Variants in SP4 observed in about 807,000 individuals in gnomAD.
SP4 encodes Sp4 transcription factor, also known as transcription factor Sp4.
Under a neutral mutation model 72.8 loss-of-function variants are expected in SP4, and 19 were observed. The observed-to-expected ratio is 0.26, with a 90% confidence interval of 0.18 to 0.38. The LOEUF is 0.38. SP4 is among the 10% of genes least tolerant of loss of function. The pLI, the probability that SP4 is intolerant of heterozygous loss-of-function variation, is 1.00. For missense variants in SP4, 1,008 were observed against 926.3 expected (o/e 1.09, Z -1.14); for synonymous variants, 395 against 333.1 (o/e 1.19, Z -2.02).
chr7:21,467,920 G>C (rs1319396015), intron 3 of SP4, among the ~76,000 whole-genome samples: 2 of 152,076 alleles, frequency 1.3e-5, no homozygotes, highest in African/African-American at 4.8e-5. Context: ...CATGTACTTT[G>C]AACCTGCTGT....
At chr7:21,432,777 T>G (rs138198852) in intron 3 of SP4, among the ~76,000 whole-genome samples, 1,836 of 152,262 alleles carry the variant, frequency 0.012, 36 homozygotes, top group African/African-American at 0.042. Flanking sequence ...GAGGATTGCT[T>G]GAGCCCACTA....
chr7:21,452,374 G>C (rs956082655), intron 3 of SP4, among the ~76,000 whole-genome samples: 1 of 152,170 alleles, frequency 6.6e-6, no homozygotes, highest in Non-Finnish European at 1.5e-5. Context: ...CTTAAGCCCA[G>C]CTATCAGTTG....
At chr7:21,487,888 G>T (rs997049691) in intron 5 of SP4, among the ~76,000 whole-genome samples, 7 of 151,844 alleles carry the variant, frequency 4.6e-5, no homozygotes, top group African/African-American at 1.5e-4. Flanking sequence ...TTGAGACAGG[G>T]TCTCTGTCTG....
At chr7:21,498,911 C>T (rs1196506980) in intron 5 of SP4, among the ~76,000 whole-genome samples, 1 of 151,660 alleles carries the variant, frequency 6.6e-6, no homozygotes, top group Non-Finnish European at 1.5e-5. Context: ...CGGTGAAACC[C>T]TGTCTAAAAA....
chr7:21,451,205 C>CT (rs1166376240), intron 3 of SP4, among the ~76,000 whole-genome samples: 1 of 152,162 alleles, frequency 6.6e-6, no homozygotes, highest in East Asian at 1.9e-4. Context: ...CCGTTTGCCT[C>CT]TTAGTGTGTA....
At chr7:21,492,352 A>G (rs1203503920) in intron 5 of SP4, among the ~76,000 whole-genome samples, 2 of 152,262 alleles carry the variant, frequency 1.3e-5, no homozygotes, top group Admixed American at 1.3e-4. Context: ...AATACTAAAC[A>G]ACATTCAAAT....
At chr7:21,463,533 G>A (rs750820733) in intron 3 of SP4, among the ~76,000 whole-genome samples, 2 of 152,200 alleles carry the variant, frequency 1.3e-5, no homozygotes, top group African/African-American at 2.4e-5. Flanking sequence ...GATGCTAAGC[G>A]AAGCCAGAGG....
intron 5 of SP4, among the ~76,000 whole-genome samples, chr7:21,507,507 T>C (rs1300990889): frequency 6.6e-6 from 1 of 152,180 alleles, no homozygotes; most frequent in Non-Finnish European, 1.5e-5. Flanking sequence ...GGCTTTTCCC[T>C]GGGTGAGGGA....
At chr7:21,441,037 A>T (rs1476040363) in intron 3 of SP4, among the ~76,000 whole-genome samples, 1 of 152,224 alleles carries the variant, frequency 6.6e-6, no homozygotes, top group African/African-American at 2.4e-5. Context: ...AAACCATTAT[A>T]TGGCAGCTGC....
intron 3 of SP4, 132 bp downstream of exon 3, chr7:21,430,975 A>G (rs1233536929): frequency 9.4e-6 from 6 of 637,282 alleles, no homozygotes; most frequent in Non-Finnish European, 1.4e-5. Context: ...AGAAATAGCA[A>G]TATTATACTA....
chr7:21,446,994 C>T (rs1338628764), intron 3 of SP4, among the ~76,000 whole-genome samples: 3 of 152,246 alleles, frequency 2.0e-5, no homozygotes, highest in East Asian at 3.9e-4. Flanking sequence ...CATTCACTAG[C>T]GCCCTTGTGA....
rs1290599301 is a variant in SP4, at chr7:21,430,348, C to G, written c.1183C>G (p.Gln395Glu). 1 of 1,614,078 alleles carries G rather than the reference C, an allele frequency of 6.2e-7. No individual in the cohort carries two copies. The highest frequency in any genetic ancestry group is 8.5e-7 in the Non-Finnish European group (1 of 1,180,056). ...ACAGGATCAATCAAATTCTCTTCAGCAGGTGCAAATTGTAGGCCAACCTAT... is the reference window on the plus strand; with the variant it reads ...ACAGGATCAATCAAATTCTCTTCAGGAGGTGCAAATTGTAGGCCAACCTAT... ...NAQDQSNSLQ[Q>E]VQIVGQPILQ... Residue 395 changes from glutamine to glutamate, a missense_variant, in exon 3 of 6, where the codon CAG becomes GAG. This residue lies in a region of SP4 where 893 missense variants were observed against 743.3 expected (regional missense o/e 1.20). Coordinates refer to ENST00000222584, the MANE Select transcript of SP4 (RefSeq NM_003112.5).
chr7:21,434,905 A>C (rs183076812), intron 3 of SP4, among the ~76,000 whole-genome samples: 4 of 152,282 alleles, frequency 2.6e-5, no homozygotes, highest in Non-Finnish European at 5.9e-5. Flanking sequence ...CTTTAAGCTC[A>C]AAGACAACTA....
At chr7:21,480,419 CTGAT>C (rs929525113) in intron 4 of SP4, among the ~76,000 whole-genome samples, 3 of 152,060 alleles carry the variant, frequency 2.0e-5, no homozygotes, top group Non-Finnish European at 4.4e-5. Flanking sequence ...TAGGTGTATT[CTGAT>C]TGATTATTTG....
chr7:21,505,835 T>G (rs1487146135), intron 5 of SP4, among the ~76,000 whole-genome samples: 4 of 152,184 alleles, frequency 2.6e-5, no homozygotes, highest in Non-Finnish European at 5.9e-5. Context: ...ATCCCTCTAT[T>G]ACCAGTTGGA....
At chr7:21,442,469 A>G (rs998247474) in intron 3 of SP4, among the ~76,000 whole-genome samples, 10 of 152,232 alleles carry the variant, frequency 6.6e-5, no homozygotes, top group African/African-American at 2.4e-4. Context: ...GATATCATCT[A>G]ATATCTATAT....
At chr7:21,442,444 CAAT>C in intron 3 of SP4, among the ~76,000 whole-genome samples, 1 of 152,128 alleles carries the variant, frequency 6.6e-6, no homozygotes, top group Non-Finnish European at 1.5e-5. Context: ...ATCTTAGACT[CAAT>C]AGTACATGAT....
At chr7:21,505,136 T>G (rs1033518425) in intron 5 of SP4, among the ~76,000 whole-genome samples, 1 of 152,362 alleles carries the variant, frequency 6.6e-6, no homozygotes, top group African/African-American at 2.4e-5. Flanking sequence ...TTTGATCATA[T>G]GAGTCAATCC....
rs1359593667 is a variant in SP4 at position 21,514,397 on chromosome 7, T to C, written c.*3128T>C. On this transcript the variant is annotated 3_prime_UTR_variant, in exon 6 of 6. Transcript: ENST00000222584. Reference sequence around the variant, plus strand: ...TCACTAAGTTGTCATCCCACATAAATTGATGTGCAGCATAGGGTATTAAAT... The same window carrying C: ...TCACTAAGTTGTCATCCCACATAAACTGATGTGCAGCATAGGGTATTAAAT... The C allele has an allele frequency of 6.6e-6, 1 of 152,570 alleles. No homozygotes were observed. Among genetic ancestry groups the C allele is most frequent in the Non-Finnish European group, 1.5e-5 (1 of 68,002 alleles). The allele number at this position is 152,570 out of a possible 1,614,324, so 9.5% of individuals were successfully genotyped here.
Sources: gnomAD v4.1 joint callset for allele counts (sites outside exome capture counted in the v4.1 genomes callset) on GRCh38, gnomAD v4.1.1 for gene constraint, gnomAD v4.1.1 regional missense constraint, MANE v1.5 for transcripts, NCBI Gene and HGNC (gene_info 2026-07-23, HGNC 2026-07-21) for gene names.